SPOCK1: variants seen among roughly 807,000 people sequenced by gnomAD.
SPOCK1 encodes SPARC (osteonectin), cwcv and kazal like domains proteoglycan 1, also known as testican-1.
In SPOCK1, 23 loss-of-function variants were observed where a neutral mutation model predicts 55.3. The observed-to-expected ratio is 0.42, with a 90% confidence interval of 0.30 to 0.59. The LOEUF (loss-of-function observed/expected upper bound fraction) is 0.59, where lower values mean the gene tolerates loss of function less well. SPOCK1 is among the 20% of genes least tolerant of loss of function. The pLI, the probability that SPOCK1 is intolerant of heterozygous loss-of-function variation, is 0.22. For missense variants in SPOCK1, 499 were observed against 552.5 expected, an observed-to-expected ratio of 0.90 and a Z score of 0.97; for synonymous variants, 226 against 221.0, an observed-to-expected ratio of 1.02 and a Z score of -0.20.
At chr5:137,161,431 G>T (rs1754555780) in intron 3 of SPOCK1, among the ~76,000 whole-genome samples, 1 of 151,988 alleles carries the variant, frequency 6.6e-6, no homozygotes, top group African/African-American at 2.4e-5. Flanking sequence ...TCCAGGTAAG[G>T]CTGACTACCT....
chr5:137,483,887 C>T (rs564726524), intron 2 of SPOCK1, among the ~76,000 whole-genome samples: 2 of 152,322 alleles, frequency 1.3e-5, no homozygotes, highest in Non-Finnish European at 2.9e-5. Flanking sequence ...TTTTCTGTCT[C>T]GTTCATGATG....
At chr5:137,264,259 C>T (rs1756804336) in intron 3 of SPOCK1, among the ~76,000 whole-genome samples, 1 of 152,156 alleles carries the variant, frequency 6.6e-6, no homozygotes, top group South Asian at 2.1e-4. Flanking sequence ...TAGCTGTTGT[C>T]ACCAAACCAA....
In SPOCK1 at chr5:136,978,573, C is replaced by T. The variant is rs565820810; in HGVS notation, c.*81G>A. 6.8e-7 allele frequency: 1 copy of T among 1,472,560 alleles called. No homozygotes were observed. Among genetic ancestry groups the T allele is most frequent in the Non-Finnish European group, 9.2e-7 (1 of 1,092,208 alleles). 91.2% of individuals were successfully genotyped at this position (1,472,560 alleles called of 1,614,324 possible). A position where few individuals can be genotyped will look rare whatever the true frequency, so the allele number is the denominator to read the frequency against. On this transcript the variant is annotated 3_prime_UTR_variant, in exon 11 of 11. Transcript: ENST00000394945. ...AACAATGGAGAAGAGACCTTGGTGC[C>T]TTGGAGTCTTAGATACAAATGCAGG...
chr5:137,209,995 G>A (rs1400708542), intron 3 of SPOCK1, among the ~76,000 whole-genome samples: 1 of 152,112 alleles, frequency 6.6e-6, no homozygotes, highest in Non-Finnish European at 1.5e-5. Flanking sequence ...ATTTGATATT[G>A]ATTTTTTGTT....
At chr5:137,349,040 T>C (rs1360027681) in intron 2 of SPOCK1, among the ~76,000 whole-genome samples, 1 of 152,072 alleles carries the variant, frequency 6.6e-6, no homozygotes, top group Non-Finnish European at 1.5e-5. Context: ...TTGGAGAAAC[T>C]GGTCAAAAGA....
chr5:137,104,485 C>A (rs1406503766), intron 5 of SPOCK1, among the ~76,000 whole-genome samples: 3 of 152,178 alleles, frequency 2.0e-5, no homozygotes, highest in Non-Finnish European at 4.4e-5. Flanking sequence ...AAATCTACCA[C>A]CCAAATGCCT....
chr5:137,350,328 G>C (rs1017494158), intron 2 of SPOCK1, among the ~76,000 whole-genome samples: 15 of 152,180 alleles, frequency 9.9e-5, no homozygotes, highest in African/African-American at 3.6e-4. Flanking sequence ...CACTGTCCCA[G>C]TTATCTATTA....
In SPOCK1 at chr5:137,067,627, C is replaced by T. The variant is rs140565702; in HGVS notation, c.589+88G>A. Reference sequence around the variant, plus strand: ...GTCTGCTCATTTCTCCAGTTTGTTCCTAGTGCCTGGGACAGAGCTCGGCCA... The same window carrying T: ...GTCTGCTCATTTCTCCAGTTTGTTCTTAGTGCCTGGGACAGAGCTCGGCCA... On this transcript the variant is annotated intron_variant, in intron 6 of 10. Coordinates refer to ENST00000394945, the MANE Select transcript of SPOCK1 (RefSeq NM_004598.4). 121 of 1,143,388 alleles carry T rather than the reference C, an allele frequency of 1.1e-4. No homozygotes were observed. In the East Asian group the frequency reaches 2.9e-3, roughly 27 times the overall value. The allele number at this position is 1,143,388 out of a possible 1,614,324, so 70.8% of individuals were successfully genotyped here.
At chr5:137,280,269 C>T (rs1055186848) in intron 2 of SPOCK1, among the ~76,000 whole-genome samples, 2 of 152,014 alleles carry the variant, frequency 1.3e-5, no homozygotes, top group Non-Finnish European at 2.9e-5. Flanking sequence ...TAAGGAGCAC[C>T]CAGCTGACAG....
chr5:137,072,899 T>C (rs1287627689), intron 5 of SPOCK1, among the ~76,000 whole-genome samples: 6 of 152,160 alleles, frequency 3.9e-5, no homozygotes, highest in Non-Finnish European at 7.3e-5. Context: ...TCACAGTAGG[T>C]GGAGGGGAGC....
intron 3 of SPOCK1, among the ~76,000 whole-genome samples, chr5:137,170,599 C>CTG: frequency 6.6e-6 from 1 of 150,738 alleles, no homozygotes; most frequent in South Asian, 2.1e-4. Flanking sequence ...CTCTCTCTCT[C>CTG]TCTCTCTCTC....
intron 4 of SPOCK1, among the ~76,000 whole-genome samples, chr5:137,131,985 A>AT (rs1405565478): frequency 2.4e-5 from 1 of 42,356 alleles, no homozygotes; most frequent in Non-Finnish European, 4.7e-5. Context: ...AAAAAAAAAA[A>AT]AAAAATATAT....
chr5:137,316,155 G>A (rs1279371082), intron 2 of SPOCK1, among the ~76,000 whole-genome samples: 3 of 152,218 alleles, frequency 2.0e-5, no homozygotes, highest in Admixed American at 2.0e-4. Context: ...CAAAGGGGAG[G>A]AACACTGTGT....
chr5:137,412,060 T>C (rs1561528689), intron 2 of SPOCK1, among the ~76,000 whole-genome samples: 1 of 151,988 alleles, frequency 6.6e-6, no homozygotes, highest in African/African-American at 2.4e-5. Flanking sequence ...CCACCCACAA[T>C]GTGAAGAGTT....
chr5:137,136,468 T>A (rs1262030234), intron 4 of SPOCK1, among the ~76,000 whole-genome samples: 1 of 152,172 alleles, frequency 6.6e-6, no homozygotes, highest in African/African-American at 2.4e-5. Flanking sequence ...AAAGAGGATG[T>A]AATAGAAATT....
At chr5:137,203,412 G>T (rs1755461822) in intron 3 of SPOCK1, among the ~76,000 whole-genome samples, 1 of 152,016 alleles carries the variant, frequency 6.6e-6, no homozygotes, top group Non-Finnish European at 1.5e-5. Context: ...AATTAGGGTG[G>T]CAAGGTTAAA....
At chr5:137,310,876 AG>A (rs1339719907) in intron 2 of SPOCK1, among the ~76,000 whole-genome samples, 5 of 152,208 alleles carry the variant, frequency 3.3e-5, no homozygotes, top group Non-Finnish European at 5.9e-5. Flanking sequence ...CAGAAGAAAA[AG>A]CTACCTCCCC....
intron 3 of SPOCK1, among the ~76,000 whole-genome samples, chr5:137,254,873 T>TC (rs1402249883): frequency 1.3e-5 from 2 of 152,222 alleles, no homozygotes; most frequent in Admixed American, 1.3e-4. Flanking sequence ...ACCATATGCT[T>TC]CCATTAATTG....
At chr5:137,296,140 T>C (rs1056190027) in intron 2 of SPOCK1, among the ~76,000 whole-genome samples, 1 of 152,180 alleles carries the variant, frequency 6.6e-6, no homozygotes, top group Non-Finnish European at 1.5e-5. Flanking sequence ...GAATGGGCCC[T>C]CTTCAGATGA....
Sources: allele counts gnomAD v4.1 joint callset (sites outside exome capture counted in the v4.1 genomes callset), GRCh38; gene constraint gnomAD v4.1.1; transcripts MANE v1.5; gene names NCBI Gene and HGNC (gene_info 2026-07-23, HGNC 2026-07-21).